Variants in RIT2 observed in about 807,000 individuals in gnomAD.
RIT2 encodes the protein GTP-binding protein Rit2.
RIT2 carries 24 observed loss-of-function variants against 23.7 expected under a neutral mutation model. The ratio of observed to expected loss-of-function variants is 1.01; its 90% CI spans 0.73 to 1.43. The LOEUF (loss-of-function observed/expected upper bound fraction) is 1.43, where lower values mean the gene tolerates loss of function less well. Among genes scored for constraint, RIT2 ranks in the 40% most tolerant of loss-of-function variants. RIT2 has a pLI of 0.00. For synonymous variants in RIT2, 107 were observed against 91.1 expected, an observed-to-expected ratio of 1.17 and a Z score of -0.99; for missense variants, 236 against 266.9, an observed-to-expected ratio of 0.88 and a Z score of 0.81.
chr18:43,088,289 A>T (rs1176626260), intron 1 of RIT2, among the ~76,000 whole-genome samples: 1 of 152,164 alleles, frequency 6.6e-6, no homozygotes, highest in Non-Finnish European at 1.5e-5. Flanking sequence ...ACAAAAAGAG[A>T]ATGTAAGAAA....
chr18:42,751,844 C>G (rs1330753301), intron 4 of RIT2, among the ~76,000 whole-genome samples: 1 of 151,834 alleles, frequency 6.6e-6, no homozygotes, highest in Non-Finnish European at 1.5e-5. Context: ...TAAAAATTAT[C>G]ATCAGATCAG....
At chr18:42,750,216 A>T (rs676807) in intron 4 of RIT2, among the ~76,000 whole-genome samples, 81,928 of 151,600 alleles carry the variant, frequency 0.54, 24,976 homozygotes, top group Middle Eastern at 0.71. Flanking sequence ...CTATTTTTAC[A>T]TTAACACATT....
intron 4 of RIT2, among the ~76,000 whole-genome samples, chr18:42,817,817 G>T (rs1260574707): frequency 1.3e-5 from 2 of 151,968 alleles, no homozygotes; most frequent in African/African-American, 4.8e-5. Flanking sequence ...CAGAACTGTT[G>T]TTAAAATAAG....
intron 2 of RIT2, among the ~76,000 whole-genome samples, chr18:42,999,084 C>G (rs1330205208): frequency 6.6e-6 from 1 of 152,008 alleles, no homozygotes; most frequent in Non-Finnish European, 1.5e-5. Context: ...CTCCCTACCC[C>G]TTTCCCGTCT....
intron 4 of RIT2, among the ~76,000 whole-genome samples, chr18:42,903,527 A>C (rs953140046): frequency 6.6e-6 from 1 of 152,114 alleles, no homozygotes; most frequent in African/African-American, 2.4e-5. Flanking sequence ...AAAACTTGAC[A>C]CAATTTTTAT....
chr18:42,844,744 G>A (rs547839719), intron 4 of RIT2, among the ~76,000 whole-genome samples: 2 of 152,234 alleles, frequency 1.3e-5, no homozygotes, highest in South Asian at 2.1e-4. Flanking sequence ...AACCAATCAG[G>A]AGAGGGTGGG....
chr18:42,849,227 T>C (rs1027725198), intron 4 of RIT2, among the ~76,000 whole-genome samples: 1 of 152,130 alleles, frequency 6.6e-6, no homozygotes, highest in Non-Finnish European at 1.5e-5. Flanking sequence ...AGTCTAAAAT[T>C]CAATATTTAT....
chr18:42,761,860 A>G (rs1913311197), intron 4 of RIT2, among the ~76,000 whole-genome samples: 1 of 152,120 alleles, frequency 6.6e-6, no homozygotes, highest in Admixed American at 6.6e-5. Context: ...TGCTCTTGAG[A>G]TCAGCAATTA....
chr18:42,810,012 A>G (rs1214208749), intron 4 of RIT2, among the ~76,000 whole-genome samples: 2 of 146,522 alleles, frequency 1.4e-5, no homozygotes, highest in African/African-American at 4.9e-5. Flanking sequence ...TGTATAAGTT[A>G]TATATGTTAC....
At chr18:43,046,592 G>C (rs1035914307) in intron 1 of RIT2, among the ~76,000 whole-genome samples, 1 of 152,078 alleles carries the variant, frequency 6.6e-6, no homozygotes, top group Non-Finnish European at 1.5e-5. Context: ...GACAACACAG[G>C]GTCTTCCACA....
At chr18:43,013,687 C>T (rs1384992799) in intron 2 of RIT2, among the ~76,000 whole-genome samples, 3 of 151,714 alleles carry the variant, frequency 2.0e-5, no homozygotes, top group African/African-American at 7.3e-5. Flanking sequence ...GTTTTTGGCA[C>T]TATCAGAGTA....
chr18:42,876,362 T>C (rs1169927264), intron 4 of RIT2, among the ~76,000 whole-genome samples: 1 of 151,784 alleles, frequency 6.6e-6, no homozygotes, highest in Non-Finnish European at 1.5e-5. Flanking sequence ...TTTTTTTTTT[T>C]TTCAGAAAAC....
At chr18:42,934,092 G>A (rs974399282) in intron 3 of RIT2, among the ~76,000 whole-genome samples, 50 of 150,334 alleles carry the variant, frequency 3.3e-4, no homozygotes, top group African/African-American at 1.2e-3. Flanking sequence ...TCTCAGGTAT[G>A]TCTTTATTAG....
chr18:42,832,931 G>T (rs1906500075), intron 4 of RIT2, among the ~76,000 whole-genome samples: 1 of 151,448 alleles, frequency 6.6e-6, no homozygotes, highest in African/African-American at 2.4e-5. Context: ...TTGCATGCCT[G>T]TAATCCCAGC....
chr18:42,786,113 AAAAAG>A (rs1488591232), intron 4 of RIT2, among the ~76,000 whole-genome samples: 1 of 152,188 alleles, frequency 6.6e-6, no homozygotes, highest in Non-Finnish European at 1.5e-5. Context: ...TGAGGACAGC[AAAAAG>A]AAAACAAAAA....
intron 1 of RIT2, among the ~76,000 whole-genome samples, chr18:43,096,669 T>C (rs4563118): frequency 6.6e-6 from 1 of 151,824 alleles, no homozygotes; most frequent in Admixed American, 6.6e-5. Flanking sequence ...TGATTAAATA[T>C]ATTTAATAAA....
intron 1 of RIT2, among the ~76,000 whole-genome samples, chr18:43,046,252 A>G (rs192810389): frequency 6.6e-6 from 1 of 152,060 alleles, no homozygotes; most frequent in South Asian, 2.1e-4. Context: ...AAAGATGTGG[A>G]GGTTAGGATC....
intron 2 of RIT2, among the ~76,000 whole-genome samples, chr18:43,011,629 A>T (rs1911353832): frequency 6.6e-6 from 1 of 151,824 alleles, no homozygotes; most frequent in South Asian, 2.1e-4. Context: ...AAATATTCCT[A>T]GGCCTAATTG....
intron 2 of RIT2, among the ~76,000 whole-genome samples, chr18:43,002,261 C>A (rs761383655): frequency 1.3e-5 from 2 of 151,816 alleles, no homozygotes; most frequent in Non-Finnish European, 2.9e-5. Flanking sequence ...AACACTTAAT[C>A]GGTCGAATTC....
Sources: allele counts gnomAD v4.1 joint callset (sites outside exome capture counted in the v4.1 genomes callset), GRCh38; gene constraint gnomAD v4.1.1; transcripts MANE v1.5; gene names NCBI Gene and HGNC (gene_info 2026-07-23, HGNC 2026-07-21).